The following LRRIQ3 variants were observed in gnomAD, a reference collection of about 807,000 sequenced individuals.
LRRIQ3 encodes leucine rich repeats and IQ motif containing 3, also known as leucine-rich repeat and IQ domain-containing protein 3.
Under a neutral mutation model 59.3 loss-of-function variants are expected in LRRIQ3, and 75 were observed. The observed-to-expected ratio is 1.26, with a 90% CI of 1.05 to 1.53. LRRIQ3 has a LOEUF of 1.53. Ranked by LOEUF, LRRIQ3 falls within the 40% of genes most tolerant of loss-of-function variation. LRRIQ3 has a pLI of 0.00. For missense variants in LRRIQ3, 831 were observed against 710.0 expected (o/e 1.17, Z -1.94); for synonymous variants, 250 against 231.3 (o/e 1.08, Z -0.73).
At chr1:74,170,513 T>G (rs1649258237) in intron 3 of LRRIQ3, among the ~76,000 whole-genome samples, 1 of 152,152 alleles carries the variant, frequency 6.6e-6, no homozygotes, top group Non-Finnish European at 1.5e-5. Flanking sequence ...TATTCCGTTC[T>G]ATTGTTCTAT....
At chr1:74,127,725 T>G (rs977414097) in intron 4 of LRRIQ3, among the ~76,000 whole-genome samples, 1 of 152,058 alleles carries the variant, frequency 6.6e-6, no homozygotes, top group Middle Eastern at 3.4e-3. Context: ...ATCTTCTAGG[T>G]TGTTTTTACT....
intron 4 of LRRIQ3, among the ~76,000 whole-genome samples, chr1:74,146,438 C>T (rs1647574551): frequency 6.6e-6 from 1 of 151,990 alleles, no homozygotes; most frequent in Non-Finnish European, 1.5e-5. Flanking sequence ...GTCTTCAGGA[C>T]CCAGAAAGGG....
At chr1:74,049,255 C>A (rs770288490) in intron 6 of LRRIQ3, among the ~76,000 whole-genome samples, 2 of 152,110 alleles carry the variant, frequency 1.3e-5, no homozygotes, top group Non-Finnish European at 2.9e-5. Context: ...TTCTATGCGG[C>A]ATGGTAGGTC....
chr1:74,134,132 T>C (rs1647078053), intron 4 of LRRIQ3, among the ~76,000 whole-genome samples: 2 of 152,158 alleles, frequency 1.3e-5, no homozygotes, highest in African/African-American at 2.4e-5. Flanking sequence ...TCTTCTGTAA[T>C]GGCTGAGTGA....
At chr1:74,060,703 C>A (rs1401406077) in intron 6 of LRRIQ3, among the ~76,000 whole-genome samples, 1 of 151,882 alleles carries the variant, frequency 6.6e-6, no homozygotes, top group Non-Finnish European at 1.5e-5. Flanking sequence ...CATAGCAAGA[C>A]CCTGTCACAC....
chr1:74,102,404 A>T (rs1646548945), intron 5 of LRRIQ3, among the ~76,000 whole-genome samples: 2 of 152,024 alleles, frequency 1.3e-5, no homozygotes, highest in Admixed American at 6.6e-5. Flanking sequence ...GAAAAATGCA[A>T]ATCAAAACTG....
intron 6 of LRRIQ3, among the ~76,000 whole-genome samples, chr1:74,071,471 A>G (rs1235033193): frequency 6.6e-6 from 1 of 152,186 alleles, no homozygotes; most frequent in Non-Finnish European, 1.5e-5. Context: ...GTAAACTCAT[A>G]ATCCTCACTA....
chr1:74,062,191 T>C (rs771372580), intron 6 of LRRIQ3, among the ~76,000 whole-genome samples: 29 of 151,990 alleles, frequency 1.9e-4, no homozygotes, highest in Admixed American at 3.9e-4. Context: ...CAAAAACCTA[T>C]AGGGAACTTA....
chr1:74,184,095 A>C (rs1650197535), intron 1 of LRRIQ3, among the ~76,000 whole-genome samples: 1 of 152,080 alleles, frequency 6.6e-6, no homozygotes, highest in South Asian at 2.1e-4. Context: ...CTGAATAATA[A>C]ACAAGTCAGG....
At chr1:74,163,949 TA>T (rs1648811339) in intron 3 of LRRIQ3, among the ~76,000 whole-genome samples, 1 of 151,526 alleles carries the variant, frequency 6.6e-6, no homozygotes, top group Non-Finnish European at 1.5e-5. Context: ...TAGTATGTAG[TA>T]ATATCTCATT....
intron 6 of LRRIQ3, among the ~76,000 whole-genome samples, chr1:74,072,488 C>T (rs1013892035): frequency 7.3e-5 from 11 of 151,678 alleles, no homozygotes; most frequent in African/African-American, 1.7e-4. Flanking sequence ...TGCTTTTGTG[C>T]TCATATATAT....
intron 5 of LRRIQ3, among the ~76,000 whole-genome samples, chr1:74,091,013 G>T (rs1646388925): frequency 6.6e-6 from 1 of 152,090 alleles, no homozygotes; most frequent in African/African-American, 2.4e-5. Flanking sequence ...GAGAAGGCAA[G>T]ATCCCCCAAA....
At chr1:74,136,446 G>A (rs1045986481) in intron 4 of LRRIQ3, among the ~76,000 whole-genome samples, 6 of 151,960 alleles carry the variant, frequency 3.9e-5, no homozygotes, top group African/African-American at 1.4e-4. Context: ...ACAGCAGTGA[G>A]CATCATTCCA....
chr1:74,109,651 G>C, intron 4 of LRRIQ3, 98 bp from the exon 5 acceptor site: 1 of 954,316 alleles, frequency 1.0e-6, no homozygotes, highest in Non-Finnish European at 1.5e-6. Flanking sequence ...AAAACATAGT[G>C]TTAAATTGAA....
chr1:74,178,299 T>C (rs1444175414), intron 3 of LRRIQ3, among the ~76,000 whole-genome samples: 2 of 152,026 alleles, frequency 1.3e-5, no homozygotes, highest in Non-Finnish European at 2.9e-5. Context: ...AACATGTAAT[T>C]TTCATAAGCC....
intron 7 of LRRIQ3, among the ~76,000 whole-genome samples, chr1:74,038,123 T>C (rs1277158735): frequency 6.6e-6 from 1 of 152,194 alleles, no homozygotes; most frequent in Non-Finnish European, 1.5e-5. Flanking sequence ...TTTCCCCTGA[T>C]GGAGCCAGGG....
intron 4 of LRRIQ3, among the ~76,000 whole-genome samples, chr1:74,152,071 T>C (rs575584162): frequency 4.1e-4 from 62 of 151,820 alleles, no homozygotes; most frequent in African/African-American, 1.5e-3. Flanking sequence ...AAGTGAACCT[T>C]ATAAAAAATA....
intron 7 of LRRIQ3, among the ~76,000 whole-genome samples, chr1:74,030,773 A>C (rs1450122525): frequency 6.6e-6 from 1 of 152,192 alleles, no homozygotes; most frequent in Non-Finnish European, 1.5e-5. Context: ...GGTCTAATTA[A>C]ACTAAAGAGC....
At chr1:74,104,138 G>T (rs937796212) in intron 5 of LRRIQ3, among the ~76,000 whole-genome samples, 14 of 151,812 alleles carry the variant, frequency 9.2e-5, no homozygotes, top group African/African-American at 3.4e-4. Flanking sequence ...CGTAATTAAG[G>T]GAATTATAAA....
Sources: allele counts gnomAD v4.1 joint callset (sites outside exome capture counted in the v4.1 genomes callset), GRCh38; gene constraint gnomAD v4.1.1; transcripts MANE v1.5; gene names NCBI Gene and HGNC (gene_info 2026-07-23, HGNC 2026-07-21).